The following SHISA6 variants were observed in gnomAD, a reference collection of about 807,000 sequenced individuals.
SHISA6 encodes shisa family member 6, also known as protein shisa-6.
In SHISA6, 22 loss-of-function variants were observed where a neutral mutation model predicts 47.9. That is an observed-to-expected ratio of 0.46 (90% CI 0.33 to 0.66). The LOEUF is 0.66. Among genes scored for constraint, SHISA6 ranks in the 30% least tolerant of loss-of-function variants. The probability of loss-of-function intolerance (pLI) is 0.02; values close to 1 mark genes in which losing one functional copy is unlikely to be tolerated. For missense variants in SHISA6, 680 were observed against 764.6 expected (o/e 0.89, Z 1.30); for synonymous variants, 388 against 337.8 (o/e 1.15, Z -1.63).
chr17:11,481,810 G>T (rs1418438770), intron 3 of SHISA6, among the ~76,000 whole-genome samples: 2 of 151,872 alleles, frequency 1.3e-5, no homozygotes, highest in Non-Finnish European at 2.9e-5. Context: ...ATATTTAAGA[G>T]CATGGTAGGT....
intron 3 of SHISA6, among the ~76,000 whole-genome samples, chr17:11,498,638 G>C (rs2071426801): frequency 6.6e-6 from 1 of 152,038 alleles, no homozygotes; most frequent in Non-Finnish European, 1.5e-5. Flanking sequence ...CCTCAAATAT[G>C]GGCAACTGTT....
chr17:11,439,432 A>G (rs1915040974), intron 3 of SHISA6, among the ~76,000 whole-genome samples: 1 of 152,194 alleles, frequency 6.6e-6, no homozygotes, highest in African/African-American at 2.4e-5. Context: ...CTTAGCATGC[A>G]GCAGTGAAGA....
intron 2 of SHISA6, among the ~76,000 whole-genome samples, chr17:11,331,948 A>T (rs911448039): frequency 5.3e-5 from 8 of 152,056 alleles, no homozygotes; most frequent in Admixed American, 3.9e-4. Context: ...CCATTCACAG[A>T]TGCTCACACT....
At chr17:11,455,970 C>G (rs1915523955) in intron 3 of SHISA6, among the ~76,000 whole-genome samples, 1 of 151,778 alleles carries the variant, frequency 6.6e-6, no homozygotes, top group Non-Finnish European at 1.5e-5. Context: ...CGTAGATGTT[C>G]AAATATATGG....
chr17:11,495,667 C>G (rs2071402103), intron 3 of SHISA6, among the ~76,000 whole-genome samples: 2 of 152,198 alleles, frequency 1.3e-5, no homozygotes, highest in Admixed American at 1.3e-4. Context: ...AGTCAGACTG[C>G]AAGGATGCAA....
Position 11,474,640 on chromosome 17 carries a change from C to CT in SHISA6, c.896-77255dup, listed in dbSNP as rs545508480. 3.6e-3 allele frequency among the ~76,000 whole-genome samples: 553 copies of CT among 152,210 alleles called. 5 individuals carry two copies. The highest frequency in any genetic ancestry group is 0.013 in the African/African-American group (526 of 41,542). On this transcript the variant is annotated intron_variant, in intron 3 of 5. Transcript: ENST00000441885. Reference sequence around the variant, plus strand: ...TTACATGGGTATATTTCTAGGATCTCTATTTTGTGCCACTGAATTATTTGT... The same window carrying CT: ...TTACATGGGTATATTTCTAGGATCTCTTATTTTGTGCCACTGAATTATTTGT...
intron 3 of SHISA6, among the ~76,000 whole-genome samples, chr17:11,537,758 G>A (rs1202468429): frequency 1.3e-5 from 2 of 152,296 alleles, no homozygotes; most frequent in African/African-American, 4.8e-5. Context: ...AACTGCACAA[G>A]TACCTCCAAG....
At chr17:11,447,187 T>G (rs1321795778) in intron 3 of SHISA6, among the ~76,000 whole-genome samples, 5 of 152,218 alleles carry the variant, frequency 3.3e-5, no homozygotes, top group African/African-American at 4.8e-5. Flanking sequence ...CAAGAAATGG[T>G]GTCAGGATGA....
Position 11,241,600 on chromosome 17 carries a change from G to C in SHISA6, c.178G>C (p.Gly60Arg). The change falls in exon 1 of 6, where the codon GGC (glycine) becomes CGC (arginine). Residue 60 changes from glycine to arginine, a missense_variant. By Grantham distance (125) the Gly-to-Arg change is moderately radical. Coordinates refer to ENST00000441885, the MANE Select transcript of SHISA6 (RefSeq NM_207386.4). This position sits in a 1 kb window ranked among gnomAD's most constrained non-coding sequence, Gnocchi z 5.5. ...ALARGGRELN[G>R]TARAPGIPEA... is the part of the protein sequence containing the mutation. ...GGCACGGGGCGGCCGCGAGCTGAAC[G>C]GCACCGCCCGGGCGCCCGGAATCCC... is the stretch of plus-strand genomic sequence containing the variant. 3.2e-6 allele frequency: 4 copies of C among 1,259,346 alleles called. No homozygotes were observed. The highest frequency in any genetic ancestry group is 4.0e-6 in the Non-Finnish European group (4 of 1,008,174). The allele number at this position is 1,259,346 out of a possible 1,614,324, so 78.0% of individuals were successfully genotyped here. A position where few individuals can be genotyped will look rare whatever the true frequency, so the allele number is the denominator to read the frequency against.
intron 3 of SHISA6, among the ~76,000 whole-genome samples, chr17:11,460,440 G>A (rs1915662637): frequency 6.6e-6 from 1 of 152,202 alleles, no homozygotes; most frequent in African/African-American, 2.4e-5. Context: ...TGCCCAGGCT[G>A]GAGTGCAATG....
At chr17:11,250,487 G>C (rs554773785) in intron 1 of SHISA6, among the ~76,000 whole-genome samples, 3 of 152,228 alleles carry the variant, frequency 2.0e-5, no homozygotes, top group Admixed American at 6.5e-5. Flanking sequence ...GAAATGGAGC[G>C]AGGGTGGGGC....
chr17:11,393,166 C>A (rs550282372), intron 3 of SHISA6, among the ~76,000 whole-genome samples: 2 of 152,322 alleles, frequency 1.3e-5, no homozygotes, highest in Non-Finnish European at 2.9e-5. Context: ...TCCTTTTCCT[C>A]CAAATTCCTC....
chr17:11,263,586 T>C, intron 2 of SHISA6, 60 bp downstream of exon 2: 2 of 1,540,338 alleles, frequency 1.3e-6, no homozygotes, highest in Non-Finnish European at 1.8e-6. Context: ...TTCAGGATGT[T>C]TCTGCTCTGG....
chr17:11,271,054 G>A (rs1340125401), intron 2 of SHISA6, among the ~76,000 whole-genome samples: 1 of 152,196 alleles, frequency 6.6e-6, no homozygotes, highest in African/African-American at 2.4e-5. Flanking sequence ...GGCAGCAGGT[G>A]TAGACAACTG....
At chr17:11,308,801 G>T (rs1476196663) in intron 2 of SHISA6, among the ~76,000 whole-genome samples, 6 of 152,172 alleles carry the variant, frequency 3.9e-5, no homozygotes, top group African/African-American at 4.8e-5. Context: ...TAAAGAAAAT[G>T]CTTTGTTATG....
rs1181195076 is a variant in SHISA6, at chr17:11,320,231, A to G, written c.799+56705A>G. ...GTTGTATCTCGACTCTTTTGGGTAC[A>G]TTGTAGATAGCTTTGATGCTTAACA... On this transcript the variant is annotated intron_variant, in intron 2 of 5. Transcript: ENST00000441885. Among the ~76,000 whole-genome samples the G allele has an allele frequency of 3.3e-5, 5 of 152,248 alleles. 1 individual carries two copies. In the South Asian group the frequency reaches 8.3e-4, roughly 25 times the overall value.
chr17:11,470,455 C>T lies in SHISA6; in HGVS notation c.896-81441C>T, dbSNP rs548909378. Among the ~76,000 whole-genome samples the T allele has an allele frequency of 1.9e-4, 29 of 152,306 alleles. No individual in the cohort carries two copies. The South Asian group carries it at 5.4e-3, about 28-fold the overall frequency. On this transcript the variant is annotated intron_variant, in intron 3 of 5. Coordinates refer to ENST00000441885, the MANE Select transcript of SHISA6 (RefSeq NM_207386.4). ...AAGCTGCTGATGCTCTTTAGCCTTC[C>T]CTTGCTTAGGAAGAACATCCCCCAC... is the stretch of plus-strand genomic sequence containing the variant.
At chr17:11,411,850 T>G (rs550809615) in intron 3 of SHISA6, among the ~76,000 whole-genome samples, 1 of 152,212 alleles carries the variant, frequency 6.6e-6, no homozygotes, top group Non-Finnish European at 1.5e-5. Flanking sequence ...TGGAGTTTTA[T>G]TGACCACGCA....
chr17:11,485,104 A>G (rs865971370), intron 3 of SHISA6, among the ~76,000 whole-genome samples: 10 of 152,206 alleles, frequency 6.6e-5, no homozygotes, highest in African/African-American at 2.4e-4. Context: ...TGTTCTTCTA[A>G]AAGTACAATC....
Sources: allele counts gnomAD v4.1 joint callset (sites outside exome capture counted in the v4.1 genomes callset), GRCh38; gene constraint gnomAD v4.1.1; non-coding constraint Gnocchi (gnomAD v3.1); transcripts MANE v1.5; gene names NCBI Gene and HGNC (gene_info 2026-07-23, HGNC 2026-07-21).